PDE4D: variants seen among roughly 807,000 people sequenced by gnomAD.
The protein encoded by PDE4D is phosphodiesterase 4D.
In PDE4D, 24 loss-of-function variants were observed where a neutral mutation model predicts 87.4. That is an observed-to-expected ratio of 0.27 (90% confidence interval 0.20 to 0.39). PDE4D has a LOEUF of 0.39. PDE4D is among the 10% of genes least tolerant of loss of function. The probability of loss-of-function intolerance (pLI) is 1.00; values close to 1 mark genes in which losing one functional copy is unlikely to be tolerated. For synonymous variants in PDE4D, 384 were observed against 383.2 expected (o/e 1.00, Z -0.02); for missense variants, 714 against 1,041.0 (o/e 0.69, Z 4.32).
intron 1 of PDE4D, among the ~76,000 whole-genome samples, chr5:59,633,847 C>T (rs754425872): frequency 2.0e-5 from 3 of 152,144 alleles, no homozygotes; most frequent in African/African-American, 7.2e-5. Flanking sequence ...GCAAAATAAA[C>T]AGCTAGCATC....
intron 1 of PDE4D, among the ~76,000 whole-genome samples, chr5:60,228,722 A>T (rs189578905): frequency 6.6e-6 from 1 of 152,000 alleles, no homozygotes; most frequent in East Asian, 1.9e-4. Flanking sequence ...ACCAAAAAAA[A>T]CAAAAAACAA....
intron 1 of PDE4D, among the ~76,000 whole-genome samples, chr5:59,775,984 A>G (rs1360250177): frequency 6.6e-6 from 1 of 152,184 alleles, no homozygotes; most frequent in African/African-American, 2.4e-5. Context: ...TATGGTTTCT[A>G]TGAGACAGTG....
intron 1 of PDE4D, among the ~76,000 whole-genome samples, chr5:59,775,648 G>C (rs1193682181): frequency 6.6e-6 from 1 of 152,078 alleles, no homozygotes; most frequent in African/African-American, 2.4e-5. Context: ...AAAGATCTTG[G>C]GTGGACCTTC....
chr5:59,771,433 A>AAAAGAAAG (rs745783951), intron 1 of PDE4D, among the ~76,000 whole-genome samples: 30 of 93,894 alleles, frequency 3.2e-4, no homozygotes, highest in South Asian at 7.5e-4. Context: ...AAGAAAAAGA[A>AAAAGAAAG]AAAGAAAGAA....
intron 1 of PDE4D, among the ~76,000 whole-genome samples, chr5:60,305,494 C>T (rs550038857): frequency 2.1e-4 from 32 of 151,712 alleles, no homozygotes; most frequent in Non-Finnish European, 3.8e-4. Context: ...ATCAGTATTC[C>T]TAGAGGAGAG....
At chr5:59,780,133 G>T (rs1764467291) in intron 1 of PDE4D, among the ~76,000 whole-genome samples, 1 of 152,168 alleles carries the variant, frequency 6.6e-6, no homozygotes, top group Non-Finnish European at 1.5e-5. Context: ...GGAGGCCAAG[G>T]CAGGTCGATT....
At chr5:59,851,303 A>G (rs1443959681) in intron 1 of PDE4D, among the ~76,000 whole-genome samples, 7 of 152,088 alleles carry the variant, frequency 4.6e-5, no homozygotes, top group African/African-American at 1.7e-4. Context: ...TGCCAAAGCC[A>G]TAACCACTGA....
chr5:59,977,849 G>A (rs1327404814), intron 3 of PDE4D, among the ~76,000 whole-genome samples: 1 of 152,184 alleles, frequency 6.6e-6, no homozygotes, highest in Non-Finnish European at 1.5e-5. Flanking sequence ...TGAAGACAAT[G>A]TTCATTTAAT....
chr5:59,849,705 T>C (rs1744394766), intron 1 of PDE4D, among the ~76,000 whole-genome samples: 1 of 151,988 alleles, frequency 6.6e-6, no homozygotes, highest in Non-Finnish European at 1.5e-5. Context: ...ATTGTTTTTG[T>C]CCCTTATTTA....
At chr5:60,079,346 G>A (rs1773675031) in intron 2 of PDE4D, among the ~76,000 whole-genome samples, 1 of 151,962 alleles carries the variant, frequency 6.6e-6, no homozygotes, top group Admixed American at 6.6e-5. Flanking sequence ...TCTGATGACA[G>A]CTTCTTTTGC....
Position 59,199,979 on chromosome 5 carries a change from T to C in PDE4D, c.648-6443A>G, listed in dbSNP as rs962180898. 4.2e-5 allele frequency among the ~76,000 whole-genome samples: 6 copies of C among 143,896 alleles called. No individual in the cohort carries two copies. In the East Asian group the frequency reaches 5.8e-4, roughly 14 times the overall value. 94.4% of individuals were successfully genotyped at this position (143,896 alleles called of 152,430 possible). On this transcript the variant is annotated intron_variant, in intron 2 of 14. Transcript: ENST00000340635. Reference sequence around the variant, plus strand: ...GTATACATACAGGCACATACATACATATATACACATGCATACATGCATGCA... The same window carrying C: ...GTATACATACAGGCACATACATACACATATACACATGCATACATGCATGCA...
At chr5:60,061,754 A>G (rs568347392) in intron 2 of PDE4D, among the ~76,000 whole-genome samples, 3 of 152,078 alleles carry the variant, frequency 2.0e-5, no homozygotes, top group African/African-American at 7.2e-5. Context: ...GGAACAGAAT[A>G]GAGACCTCAG....
intron 1 of PDE4D, among the ~76,000 whole-genome samples, chr5:60,303,534 C>G (rs1461058884): frequency 1.3e-5 from 2 of 151,236 alleles, no homozygotes; most frequent in Non-Finnish European, 2.9e-5. Context: ...GTCTCGATCT[C>G]CTGACCTCGT....
At chr5:59,464,835 C>T (rs2135480) in intron 1 of PDE4D, among the ~76,000 whole-genome samples, 1 of 152,096 alleles carries the variant, frequency 6.6e-6, no homozygotes, top group Non-Finnish European at 1.5e-5. Flanking sequence ...TACGTATTTG[C>T]TATAAATACA....
intron 1 of PDE4D, among the ~76,000 whole-genome samples, chr5:59,497,821 G>T (rs1807502375): frequency 6.6e-6 from 1 of 151,836 alleles, no homozygotes; most frequent in Non-Finnish European, 1.5e-5. Context: ...GAAATCCAGA[G>T]AATTCCTGGA....
intron 3 of PDE4D, among the ~76,000 whole-genome samples, chr5:59,191,551 T>C (rs962956387): frequency 1.3e-5 from 2 of 152,026 alleles, no homozygotes; most frequent in Non-Finnish European, 1.5e-5. Context: ...GTCTTAGATA[T>C]AGAATTATAA....
At chr5:60,116,185 G>A (rs1778156531) in intron 2 of PDE4D, among the ~76,000 whole-genome samples, 1 of 152,022 alleles carries the variant, frequency 6.6e-6, no homozygotes, top group Admixed American at 6.6e-5. Flanking sequence ...ATTATAGTGA[G>A]GGCCTGAGAA....
rs181880724 is a variant in PDE4D at position 60,321,687 on chromosome 5, T to C, written c.-89-136000A>G. ...ATATCCAGCATCTATAAGGAACTTATACAAATTAACAAGCAAAAAACAGCC... is the reference window on the plus strand; with the variant it reads ...ATATCCAGCATCTATAAGGAACTTACACAAATTAACAAGCAAAAAACAGCC... On this transcript the variant is annotated intron_variant, in intron 1 of 16. Transcript: ENST00000502484. 3.2e-3 allele frequency among the ~76,000 whole-genome samples: 485 copies of C among 152,166 alleles called. 5 individuals are homozygous for C. Among genetic ancestry groups the C allele is most frequent in the African/African-American group, 0.011 (460 of 41,530 alleles).
intron 1 of PDE4D, among the ~76,000 whole-genome samples, chr5:59,262,579 A>T: frequency 6.6e-6 from 1 of 151,858 alleles, no homozygotes; most frequent in East Asian, 1.9e-4. Flanking sequence ...CTGACTTTGA[A>T]GGTCGGGGGT....
Sources: gnomAD v4.1 joint callset for allele counts (sites outside exome capture counted in the v4.1 genomes callset) on GRCh38, gnomAD v4.1.1 for gene constraint, MANE v1.5 for transcripts, NCBI Gene and HGNC (gene_info 2026-07-23, HGNC 2026-07-21) for gene names.